NCAN: variants seen among roughly 807,000 people sequenced by gnomAD.
The protein encoded by NCAN is neurocan.
A neutral mutation model predicts 121.8 loss-of-function variants in NCAN; 47 were observed. The ratio of observed to expected loss-of-function variants is 0.39; its 90% CI spans 0.31 to 0.49. NCAN has a LOEUF of 0.49. Ranked by LOEUF, NCAN falls within the 20% of genes least tolerant of loss-of-function variation. NCAN has a pLI of 0.92. For synonymous variants in NCAN, 633 were observed against 702.0 expected, an observed-to-expected ratio of 0.90 and a Z score of 1.55; for missense variants, 1,517 against 1,773.4, an observed-to-expected ratio of 0.86 and a Z score of 2.60.
intron 12 of NCAN, among the ~76,000 whole-genome samples, 197 bp downstream of exon 12, chr19:19,240,882 A>G (rs11666098): frequency 1.3e-4 from 20 of 152,162 alleles, no homozygotes; most frequent in Admixed American, 1.0e-3. Flanking sequence ...AAGTAAACAG[A>G]CCGCGCCCAC....
chr19:19,232,907 A>G (rs770074371), intron 8 of NCAN: 5 of 152,152 alleles, frequency 3.3e-5, no homozygotes, highest in Non-Finnish European at 5.9e-5. Context: ...AGAGAAGATT[A>G]GCACAGCCCC....
intron 8 of NCAN, among the ~76,000 whole-genome samples, chr19:19,230,810 C>T (rs1286367369): frequency 2.0e-5 from 3 of 147,142 alleles, no homozygotes; most frequent in South Asian, 4.4e-4. Flanking sequence ...CTCACTGCAC[C>T]GAGGCTCAAG....
Position 19,240,504 on chromosome 19 carries a change from T to A in NCAN, c.3410-99T>A. ...CTCCAGGCTGGGGAAGGTGAGGAAT[T>A]CTTTCCTCCCACACCCTACCCCACC... On this transcript the variant is annotated intron_variant, in intron 11 of 14. Coordinates refer to ENST00000252575, the MANE Select transcript of NCAN (RefSeq NM_004386.3). The A allele has an allele frequency of 4.4e-6, 5 of 1,144,498 alleles. No individual in the cohort carries two copies. In the Middle Eastern group the frequency reaches 6.3e-4, roughly 143 times the overall value. The allele number at this position is 1,144,498 out of a possible 1,614,324, so 70.9% of individuals were successfully genotyped here. A position where few individuals can be genotyped will look rare whatever the true frequency, so the allele number is the denominator to read the frequency against.
chr19:19,247,162 A>G (rs1325658969), intron 13 of NCAN, among the ~76,000 whole-genome samples: 2 of 151,824 alleles, frequency 1.3e-5, no homozygotes, highest in African/African-American at 4.8e-5. Context: ...GGCTCACTGC[A>G]GATCACTTGA....
At chr19:19,243,659 C>T (rs1453931995) in intron 12 of NCAN, among the ~76,000 whole-genome samples, 1 of 152,130 alleles carries the variant, frequency 6.6e-6, no homozygotes, top group Non-Finnish European at 1.5e-5. Context: ...CAAGGTAGCA[C>T]CACTGCAATC....
Position 19,250,465 on chromosome 19 carries a change from G to C in NCAN, c.*554G>C, listed in dbSNP as rs1312372736. 3.2e-6 allele frequency: 1 copy of C among 314,804 alleles called. No homozygotes were observed. The highest frequency in any genetic ancestry group is 6.2e-6 in the Non-Finnish European group (1 of 161,524). The allele number at this position is 314,804 out of a possible 1,614,324, so 19.5% of individuals were successfully genotyped here. On this transcript the variant is annotated 3_prime_UTR_variant, in exon 15 of 15. Coordinates refer to ENST00000252575, the MANE Select transcript of NCAN (RefSeq NM_004386.3). ...CCCAAGTTCCGTCTTTGGTCTTGGT[G>C]GATAAACACACAGTGTGGAGATCCC...
chr19:19,220,618 T>A (rs1461807409), intron 3 of NCAN, among the ~76,000 whole-genome samples: 1 of 152,070 alleles, frequency 6.6e-6, no homozygotes, highest in Middle Eastern at 3.4e-3. Context: ...CCACAGCGCC[T>A]GGCTAATTTT....
In NCAN at chr19:19,226,968, C is replaced by A. The variant is rs2060839669; in HGVS notation, c.1555C>A (p.Gln519Lys). Residue 519 changes from glutamine to lysine, a missense_variant, in exon 7 of 15, where the codon CAA (glutamine) becomes AAA (lysine). Coordinates refer to ENST00000252575, the MANE Select transcript of NCAN (RefSeq NM_004386.3). Reference protein sequence around the residue: ...QPPTSEAAVNQMEPPLAMAVT... With the variant: ...QPPTSEAAVNKMEPPLAMAVT... ...CCCCACCTCAGAGGCTGCAGTGAAC[C>A]AAATGGAGCCTCCGTTGGCCATGGC... is the stretch of plus-strand genomic sequence containing the variant. The A allele has an allele frequency of 6.5e-7, 1 of 1,546,450 alleles. No individual in the cohort carries two copies.
intron 8 of NCAN, among the ~76,000 whole-genome samples, chr19:19,232,285 G>A (rs937033955): frequency 5.3e-5 from 8 of 152,176 alleles, no homozygotes; most frequent in African/African-American, 9.7e-5. Flanking sequence ...CCCACCCGCC[G>A]CTTGCAGAAG....
In NCAN at chr19:19,219,017, G is replaced by A; in HGVS notation, c.176G>A (p.Cys59Tyr). The part of the protein sequence containing the change: ...AALAELVALP[C>Y]LFTLQPRPSA... ...CTGGCGGAGCTGGTGGCCCTGCCCT[G>A]TCTCTTTACCCTGCAGCCACGGCCA... The change falls in exon 3 of 15, where the codon TGT becomes TAT. Residue 59 changes from cysteine to tyrosine, a missense_variant. Cys to Tyr is a radical substitution (Grantham distance 194). Coordinates refer to ENST00000252575, the MANE Select transcript of NCAN (RefSeq NM_004386.3). 1 of 1,609,660 alleles carries A rather than the reference G, an allele frequency of 6.2e-7. No individual in the cohort carries two copies. The highest frequency in any genetic ancestry group is 8.5e-7 in the Non-Finnish European group (1 of 1,177,402).
At position 19,227,943 on chromosome 19, in the gene NCAN, G is replaced by A. The variant is rs756619385; in HGVS notation, c.2323G>A (p.Val775Ile). The change falls in exon 8 of 15, where the codon GTA (valine) becomes ATA (isoleucine). Residue 775 changes from valine (V) to isoleucine (I), a missense_variant. By Grantham distance (29) the Val-to-Ile change is conservative. Coordinates refer to ENST00000252575, the MANE Select transcript of NCAN (RefSeq NM_004386.3). This position sits in a 1 kb window ranked among gnomAD's most constrained non-coding sequence, Gnocchi z 4.2. Reference sequence around the variant, plus strand: ...CCCCACTTCTGGCTTGCAGGCCACTGTAGATGAGGTGCAGGACCCCTGGCC... The same window carrying A: ...CCCCACTTCTGGCTTGCAGGCCACTATAGATGAGGTGCAGGACCCCTGGCC... ...ESPTSGLQATVDEVQDPWPSV... is the reference protein window; with the variant it reads ...ESPTSGLQATIDEVQDPWPSV... The A allele has an allele frequency of 1.2e-6, 2 of 1,613,520 alleles. No homozygotes were observed. The highest frequency in any genetic ancestry group is 1.1e-5 in the South Asian group (1 of 91,076).
In NCAN at chr19:19,249,846, G is replaced by A. The variant is rs1432678824; in HGVS notation, c.3901G>A (p.Glu1301Lys). 1 of 1,614,008 alleles carries A rather than the reference G, an allele frequency of 6.2e-7. No homozygotes were observed. The highest frequency in any genetic ancestry group is 8.5e-7 in the Non-Finnish European group (1 of 1,180,012). ...GCATCACCACCACAAATCCCGCAAG[G>A]AGCGCAGAAAACACAAGAAACACCC... ...HQHHHHKSRK[E>K]RRKHKKHPTE... Residue 1301 changes from glutamate to lysine, a missense_variant, in exon 15 of 15, where the codon GAG becomes AAG. Transcript: ENST00000252575.
At chr19:19,216,863 T>TG (rs1179994828) in intron 1 of NCAN, 84 bp from the exon 2 acceptor site, 1 of 691,684 alleles carries the variant, frequency 1.4e-6, no homozygotes, top group Non-Finnish European at 2.2e-6. Flanking sequence ...ATCTGTAGAG[T>TG]GGGGGAGTTT....
intron 10 of NCAN, among the ~76,000 whole-genome samples, chr19:19,236,492 T>C (rs28838696): frequency 0.097 from 14,811 of 152,238 alleles, 1,390 homozygotes; most frequent in African/African-American, 0.24. Context: ...CTTGTATGTG[T>C]TTTTGTTTGA....
At chr19:19,240,712 G>A (rs1461737083) in intron 12 of NCAN, 27 bp downstream of exon 12, 1 of 1,609,882 alleles carries the variant, frequency 6.2e-7, no homozygotes, top group Non-Finnish European at 8.5e-7. Flanking sequence ...GCGGGCCTAG[G>A]CTGCTGAGCC....
chr19:19,233,886 C>T lies in NCAN; in HGVS notation c.3117C>T (p.Ala1039=), dbSNP rs757750505. Reference sequence around the variant, plus strand: ...GCTGTAGCTGTGATCAGGGCTTCGCCGGGGAGAACTGTGAGATTGGTGAGT... The same window carrying T: ...GCTGTAGCTGTGATCAGGGCTTCGCTGGGGAGAACTGTGAGATTGGTGAGT... ...MYGCSCDQGF[A]GENCEIDIDD... Residue 1039 remains alanine (A), a synonymous_variant, in exon 9 of 15, where the codon GCC becomes GCT. Transcript: ENST00000252575. The T allele has an allele frequency of 4.3e-5, 69 of 1,611,776 alleles. No individual in the cohort carries two copies. The highest frequency in any genetic ancestry group is 1.1e-4 in the South Asian group (10 of 91,016).
intron 1 of NCAN, among the ~76,000 whole-genome samples, chr19:19,215,308 G>A (rs1599805748): frequency 6.6e-6 from 1 of 152,174 alleles, no homozygotes. Context: ...TGCAGATGAT[G>A]TTCTAATTTT....
chr19:19,224,582 C>A, intron 5 of NCAN, 149 bp downstream of exon 5: 1 of 1,115,908 alleles, frequency 9.0e-7, no homozygotes, highest in East Asian at 2.5e-5. Flanking sequence ...CACTCATTTT[C>A]TGAGCTTTCC....
intron 12 of NCAN, among the ~76,000 whole-genome samples, chr19:19,243,150 G>C (rs959209266): frequency 6.6e-6 from 1 of 151,964 alleles, no homozygotes; most frequent in Non-Finnish European, 1.5e-5. Context: ...GTGTTTGCCA[G>C]GGGCTGGGGT....
Sources: gnomAD v4.1 joint callset for allele counts (sites outside exome capture counted in the v4.1 genomes callset) on GRCh38, gnomAD v4.1.1 for gene constraint, Gnocchi (gnomAD v3.1) non-coding constraint, MANE v1.5 for transcripts, NCBI Gene and HGNC (gene_info 2026-07-23, HGNC 2026-07-21) for gene names.